CDK5RAP2: variants seen among roughly 807,000 people sequenced by gnomAD.
CDK5RAP2 encodes CDK5 regulatory subunit-associated protein 2.
A neutral mutation model predicts 232.9 loss-of-function variants in CDK5RAP2; 147 were observed. That is an observed-to-expected ratio of 0.63 (90% CI 0.55 to 0.72). The LOEUF is 0.72. CDK5RAP2 is among the 30% of genes least tolerant of loss of function. The pLI is 0.00. For missense variants in CDK5RAP2, 2,195 were observed against 2,231.5 expected (o/e 0.98, Z 0.33); for synonymous variants, 833 against 833.7 (o/e 1.00, Z 0.01).
At chr9:120,472,238 A>G (rs2037750467) in intron 15 of CDK5RAP2, among the ~76,000 whole-genome samples, 3 of 152,228 alleles carry the variant, frequency 2.0e-5, no homozygotes, top group Non-Finnish European at 4.4e-5. Flanking sequence ...ATATAATATT[A>G]AACCAGGTGA....
Position 120,402,928 on chromosome 9 carries a change from C to T in CDK5RAP2, c.5185G>A (p.Gly1729Ser). Residue 1729 changes from glycine to serine, a missense_variant, in exon 34 of 38, where the codon GGC (glycine) becomes AGC (serine). By Grantham distance (56) the Gly-to-Ser change is moderately conservative. Transcript: ENST00000349780. ...AGGGCCTCATAGTCCTCAATCAGGC[C>T]CAGGACATGGCGGCCATTCTTGCTG... ...WASKNGRHVL[G>S]LIEDYEALLK... 1 of 1,614,146 alleles carries T rather than the reference C, an allele frequency of 6.2e-7. No individual in the cohort carries two copies. Among genetic ancestry groups the T allele is most frequent in the Non-Finnish European group, 8.5e-7 (1 of 1,180,032 alleles).
At chr9:120,456,315 T>A (rs1216646540) in intron 20 of CDK5RAP2, among the ~76,000 whole-genome samples, 1 of 152,220 alleles carries the variant, frequency 6.6e-6, no homozygotes, top group African/African-American at 2.4e-5. Context: ...GCTCTATTTC[T>A]AGAAACCTGG....
chr9:120,389,811 A>C lies in CDK5RAP2; in HGVS notation c.5579-24T>G, dbSNP rs375702727. The C allele has an allele frequency of 1.2e-4, 192 of 1,611,936 alleles. No homozygotes were observed. In the African/African-American group the frequency reaches 2.3e-3, roughly 19 times the overall value. On this transcript the variant is annotated intron_variant, in intron 36 of 37. Coordinates refer to ENST00000349780, the MANE Select transcript of CDK5RAP2 (RefSeq NM_018249.6). The stretch of plus-strand genomic sequence containing the variant: ...CACTGAGGAGAGAGCAAAGAATGCA[A>C]TGATTAGGGCCATGGATATCCAGGA...
Position 120,492,108 on chromosome 9 carries a change from G to A in CDK5RAP2, c.1312-631C>T, listed in dbSNP as rs572658931. On this transcript the variant is annotated intron_variant, in intron 12 of 37. Transcript: ENST00000349780. ...GTTACAGAAAAAGGAAAAAAAAACCGTATACAGAATGATTGTGACTACCTT... is the reference window on the plus strand; with the variant it reads ...GTTACAGAAAAAGGAAAAAAAAACCATATACAGAATGATTGTGACTACCTT... Among the ~76,000 whole-genome samples, 16 of 151,872 alleles carry A rather than the reference G, an allele frequency of 1.1e-4. No homozygotes were observed. In the South Asian group the frequency reaches 1.2e-3, roughly 12 times the overall value.
chr9:120,511,542 T>C (rs1478397023), intron 12 of CDK5RAP2, among the ~76,000 whole-genome samples: 16 of 152,120 alleles, frequency 1.1e-4, no homozygotes, highest in Admixed American at 1.0e-3. Context: ...AAAGTACTCT[T>C]TATAAAAGCT....
intron 12 of CDK5RAP2, among the ~76,000 whole-genome samples, chr9:120,500,167 G>C (rs187588724): frequency 6.6e-6 from 1 of 152,120 alleles, no homozygotes; most frequent in Admixed American, 6.5e-5. Context: ...CCACATGATC[G>C]TTATGCTGAC....
At chr9:120,496,580 C>T (rs1383515698) in intron 12 of CDK5RAP2, among the ~76,000 whole-genome samples, 1 of 150,530 alleles carries the variant, frequency 6.6e-6, no homozygotes, top group African/African-American at 2.5e-5. Flanking sequence ...GCCCCCCGTC[C>T]GGCCAGCCGC....
At chr9:120,449,681 A>T (rs2036381044) in intron 21 of CDK5RAP2, among the ~76,000 whole-genome samples, 1 of 152,244 alleles carries the variant, frequency 6.6e-6, no homozygotes, top group Admixed American at 6.5e-5. Flanking sequence ...TAATAAAAAC[A>T]AATAATCCAA....
At chr9:120,578,199 G>C (rs1175447683) in intron 1 of CDK5RAP2, among the ~76,000 whole-genome samples, 1 of 152,130 alleles carries the variant, frequency 6.6e-6, no homozygotes, top group African/African-American at 2.4e-5. Flanking sequence ...CCCGGGAGGC[G>C]GAGGTTGAAG....
At chr9:120,537,127 A>G (rs1159811095) in intron 6 of CDK5RAP2, among the ~76,000 whole-genome samples, 1 of 152,194 alleles carries the variant, frequency 6.6e-6, no homozygotes, top group African/African-American at 2.4e-5. Context: ...TGAATCTCCA[A>G]CTACTCACAC....
At position 120,470,183 on chromosome 9, in the gene CDK5RAP2, A is replaced by G; in HGVS notation, c.1896T>C (p.Tyr632=). 1 of 1,594,668 alleles carries G rather than the reference A, an allele frequency of 6.3e-7. No individual in the cohort carries two copies. Among genetic ancestry groups the G allele is most frequent in the Non-Finnish European group, 8.6e-7 (1 of 1,164,854 alleles). ...SFSLYSDQTS[Y]LSICLEENNR... ...TGTTTTCTTCAAGGCAAATACTTAG[A>G]TAAGATGTTTGATCACTATAAAGTG... The change falls in exon 17 of 38, where the codon TAT becomes TAC. Residue 632 remains tyrosine, a synonymous_variant. Transcript: ENST00000349780.
rs2033178582 is a variant in CDK5RAP2, at chr9:120,403,124, C to A, written c.5042-53G>T. ...TCTGTTTCAGGTAACACTCTGCGTT[C>A]AAGACGCTTATGATGTTGAAGCTAG... On this transcript the variant is annotated intron_variant, in intron 33 of 37. Coordinates refer to ENST00000349780, the MANE Select transcript of CDK5RAP2 (RefSeq NM_018249.6). The surrounding 1 kb of genome is among the most constrained non-coding windows in gnomAD (Gnocchi z 4.2). 2 of 1,589,280 alleles carry A rather than the reference C, an allele frequency of 1.3e-6. No individual in the cohort carries two copies. The highest frequency in any genetic ancestry group is 4.5e-5 in the East Asian group (2 of 44,766).
intron 23 of CDK5RAP2, among the ~76,000 whole-genome samples, chr9:120,441,844 G>C (rs1368699365): frequency 6.6e-6 from 1 of 152,158 alleles, no homozygotes; most frequent in Non-Finnish European, 1.5e-5. Flanking sequence ...AGCCTTGAGG[G>C]TGCAGACCGT....
intron 15 of CDK5RAP2, among the ~76,000 whole-genome samples, chr9:120,474,170 A>G (rs1457775448): frequency 1.3e-5 from 2 of 152,216 alleles, no homozygotes; most frequent in Admixed American, 1.3e-4. Flanking sequence ...GAGATATTAC[A>G]TGGGAAAGAC....
intron 26 of CDK5RAP2, 30 bp from the exon 27 acceptor site, chr9:120,419,990 T>C (rs2034471195): frequency 6.3e-7 from 1 of 1,578,194 alleles, no homozygotes; most frequent in Non-Finnish European, 8.7e-7. Flanking sequence ...AGATAAATCA[T>C]CTCCCATGCT....
In CDK5RAP2 at chr9:120,409,244, C is replaced by T. The variant is rs1430582214; in HGVS notation, c.4487G>A (p.Arg1496Gln). The T allele has an allele frequency of 3.1e-6, 5 of 1,613,958 alleles. No homozygotes were observed. The highest frequency in any genetic ancestry group is 4.2e-6 in the Non-Finnish European group (5 of 1,179,930). The change falls in exon 30 of 38, where the codon CGG (arginine) becomes CAG (glutamine). Residue 1496 changes from arginine to glutamine, a missense_variant. Physicochemically the swap from Arg to Gln is conservative, Grantham distance 43. Coordinates refer to ENST00000349780, the MANE Select transcript of CDK5RAP2 (RefSeq NM_018249.6). ...RKTVSLEHLQ[R>Q]EYASVKEENE... ...TTCTTCCTTCACGCTGGCATACTCC[C>T]GCTGAAGGTGCTCCAGGCTCACGGT... is the stretch of plus-strand genomic sequence containing the variant.
intron 15 of CDK5RAP2, 102 bp from the exon 16 acceptor site, chr9:120,471,980 T>C: frequency 1.4e-6 from 2 of 1,481,364 alleles, no homozygotes; most frequent in Non-Finnish European, 1.9e-6. Flanking sequence ...ATTTGTGTTT[T>C]TTTCTGGTTA....
rs1320949878 is a variant in CDK5RAP2 at position 120,491,302 on chromosome 9, A to G, written c.1482+5T>C. ...TAAAAAATTTAAATACAAAAGTTAC[A>G]GTACCTGAAGCAACACGTCCTTCTG... On this transcript the variant is annotated splice_donor_5th_base_variant and intron_variant, in intron 13 of 37. Coordinates refer to ENST00000349780, the MANE Select transcript of CDK5RAP2 (RefSeq NM_018249.6). The G allele has an allele frequency of 6.2e-7, 1 of 1,608,640 alleles. No individual in the cohort carries two copies. The highest frequency in any genetic ancestry group is 1.7e-5 in the Admixed American group (1 of 59,940).
chr9:120,441,059 T>C (rs1488234996), intron 23 of CDK5RAP2, among the ~76,000 whole-genome samples: 4 of 152,228 alleles, frequency 2.6e-5, no homozygotes, highest in African/African-American at 9.6e-5. Context: ...CCACACAGCC[T>C]GAGGCAAGTG....
Sources: gnomAD v4.1 joint callset for allele counts (sites outside exome capture counted in the v4.1 genomes callset) on GRCh38, gnomAD v4.1.1 for gene constraint, Gnocchi (gnomAD v3.1) non-coding constraint, MANE v1.5 for transcripts, NCBI Gene and HGNC (gene_info 2026-07-23, HGNC 2026-07-21) for gene names.